The following LAMA2 variants were observed in gnomAD, a reference collection of about 807,000 sequenced individuals.
The protein encoded by LAMA2 is laminin subunit alpha-2.
In LAMA2, 269 loss-of-function variants were observed where a neutral mutation model predicts 364.8. That is an observed-to-expected ratio of 0.74 (90% CI 0.67 to 0.82). The LOEUF is 0.82. Among genes scored for constraint, LAMA2 ranks in the 40% least tolerant of loss-of-function variants. The pLI, the probability that LAMA2 is intolerant of heterozygous loss-of-function variation, is 0.00. For missense variants in LAMA2, 3,807 were observed against 3,873.2 expected, an observed-to-expected ratio of 0.98 and a Z score of 0.45; for synonymous variants, 1,379 against 1,370.6, an observed-to-expected ratio of 1.01 and a Z score of -0.14.
chr6:129,200,302 G>A (rs188651038), intron 12 of LAMA2, among the ~76,000 whole-genome samples: 1 of 129,938 alleles, frequency 7.7e-6, no homozygotes, highest in Admixed American at 7.4e-5. Flanking sequence ...ACATATACAT[G>A]TGTGTATATA....
Position 129,049,919 on chromosome 6 carries a change from T to C in LAMA2, c.114T>C (p.Gly38=), listed in dbSNP as rs752309873. 1.1e-5 allele frequency: 17 copies of C among 1,613,614 alleles called. No individual in the cohort carries two copies. In the South Asian group the frequency reaches 1.2e-4, roughly 11 times the overall value. The change falls in exon 2 of 65, where the codon GGT becomes GGC. Residue 38 remains glycine (G), a splice_region_variant and synonymous_variant. Transcript: ENST00000421865. ...CCTTCATTTGTCCATCTTTTTCAGG[T>C]TTATTCCCTGCTGTCCTGAATCTTG... ...QRQSQAHQQR[G]LFPAVLNLAS...
At chr6:129,175,932 G>A (rs758481197) in intron 9 of LAMA2, among the ~76,000 whole-genome samples, 29 of 151,650 alleles carry the variant, frequency 1.9e-4, no homozygotes, top group Middle Eastern at 3.4e-3. Context: ...TTTGTTTACC[G>A]TTTCCTTTTG....
chr6:129,096,614 C>T (rs1775204451), intron 3 of LAMA2, among the ~76,000 whole-genome samples: 1 of 152,212 alleles, frequency 6.6e-6, no homozygotes, highest in Non-Finnish European at 1.5e-5. Flanking sequence ...CCAGACCCCT[C>T]AGGACAAATA....
At chr6:129,442,976 G>A in intron 43 of LAMA2, 87 bp from the exon 44 acceptor site, 1 of 948,436 alleles carries the variant, frequency 1.1e-6, no homozygotes. Context: ...ACCATTTTTA[G>A]TCACTACTTT....
intron 1 of LAMA2, among the ~76,000 whole-genome samples, chr6:129,022,876 G>A (rs776123045): frequency 6.6e-6 from 1 of 152,052 alleles, no homozygotes; most frequent in African/African-American, 2.4e-5. Flanking sequence ...ATTATTTAGT[G>A]TTTCCAGTTT....
chr6:129,251,007 T>G (rs1372921551), intron 13 of LAMA2, among the ~76,000 whole-genome samples: 1 of 147,576 alleles, frequency 6.8e-6, no homozygotes, highest in African/African-American at 2.5e-5. Context: ...TCTCTTTCTG[T>G]CTCTCTCTTT....
intron 22 of LAMA2, among the ~76,000 whole-genome samples, chr6:129,308,006 C>T (rs1383882111): frequency 6.6e-6 from 1 of 152,200 alleles, no homozygotes; most frequent in South Asian, 2.1e-4. Context: ...ACCACCTTCA[C>T]ATGTATGATA....
At chr6:129,402,553 A>G (rs1780041889) in intron 39 of LAMA2, 66 bp downstream of exon 39, 2 of 1,444,190 alleles carry the variant, frequency 1.4e-6, no homozygotes, top group Non-Finnish European at 1.9e-6. Context: ...TGACTAGCAT[A>G]AATAGTAGAG....
At chr6:129,034,570 A>T (rs538385251) in intron 1 of LAMA2, among the ~76,000 whole-genome samples, 8 of 152,014 alleles carry the variant, frequency 5.3e-5, no homozygotes, top group African/African-American at 1.9e-4. Flanking sequence ...TGAACCCATC[A>T]CCCAAATGGT....
At chr6:129,114,624 A>G (rs933459125) in intron 4 of LAMA2, among the ~76,000 whole-genome samples, 2 of 151,922 alleles carry the variant, frequency 1.3e-5, no homozygotes, top group Non-Finnish European at 2.9e-5. Context: ...TTATGTGCAG[A>G]CATTTAACAT....
intron 1 of LAMA2, among the ~76,000 whole-genome samples, chr6:129,033,564 A>C (rs940908344): frequency 2.0e-5 from 3 of 152,032 alleles, no homozygotes; most frequent in African/African-American, 7.3e-5. Flanking sequence ...CAAAGCCCTA[A>C]ATTTTTTTTG....
At chr6:129,158,499 T>C in intron 8 of LAMA2, 1 of 1,614,036 alleles carries the variant, frequency 6.2e-7, no homozygotes, top group Non-Finnish European at 8.5e-7. Flanking sequence ...GTCAATAAGG[T>C]CTTTTAGTGA....
Position 128,997,357 on chromosome 6 carries a change from C to CGAAAGAAA in LAMA2, c.113-52554_113-52547dup, listed in dbSNP as rs57180629. On this transcript the variant is annotated intron_variant, in intron 1 of 64. Transcript: ENST00000421865. ...GAAAGAGAAAGAAAGAAAGAAAGAA[C>CGAAAGAAA]GAAAGAAAGAAAGAGAGAGAGAGAA... Among the ~76,000 whole-genome samples the CGAAAGAAA allele has an allele frequency of 4.6e-4, 66 of 143,606 alleles. No homozygotes were observed. In the South Asian group the frequency reaches 5.8e-3, roughly 13 times the overall value. The allele number at this position is 143,606 out of a possible 152,430, so 94.2% of individuals were successfully genotyped here.
In LAMA2 at chr6:129,083,884, T is replaced by C. The variant is rs542501961; in HGVS notation, c.397-14289T>C. Among the ~76,000 whole-genome samples, 66 of 152,306 alleles carry C rather than the reference T, an allele frequency of 4.3e-4. No homozygotes were observed. In the Middle Eastern group the frequency reaches 0.014, roughly 31 times the overall value. ...CTAGGTATTTCACATGTATTATGTT[T>C]TGTAATCCTCACAACTTTATGAAGG... On this transcript the variant is annotated intron_variant, in intron 3 of 64. Coordinates refer to ENST00000421865, the MANE Select transcript of LAMA2 (RefSeq NM_000426.4).
chr6:128,990,568 G>GA (rs1275429994), intron 1 of LAMA2, among the ~76,000 whole-genome samples: 1 of 152,166 alleles, frequency 6.6e-6, no homozygotes, highest in Non-Finnish European at 1.5e-5. Context: ...TTGTGTCTGG[G>GA]AAGAAGTGGA....
intron 31 of LAMA2, among the ~76,000 whole-genome samples, chr6:129,351,621 G>A (rs566939407): frequency 6.6e-6 from 1 of 152,026 alleles, no homozygotes; most frequent in Admixed American, 6.5e-5. Context: ...ATCATCTTTC[G>A]ACCTGCTCAG....
intron 4 of LAMA2, among the ~76,000 whole-genome samples, chr6:129,104,239 C>T (rs996610494): frequency 6.6e-6 from 1 of 152,164 alleles, no homozygotes; most frequent in Non-Finnish European, 1.5e-5. Flanking sequence ...CTCAAGTGAT[C>T]TTTCCACCTT....
chr6:128,889,238 T>C (rs905126907), intron 1 of LAMA2, among the ~76,000 whole-genome samples: 1 of 152,202 alleles, frequency 6.6e-6, no homozygotes, highest in Non-Finnish European at 1.5e-5. Flanking sequence ...ATATAGGTAC[T>C]TTGGAGTTCC....
At chr6:129,236,132 T>G (rs1054418099) in intron 12 of LAMA2, among the ~76,000 whole-genome samples, 2 of 152,206 alleles carry the variant, frequency 1.3e-5, no homozygotes, top group African/African-American at 4.8e-5. Flanking sequence ...CCAAAATGTG[T>G]TAAACATTAG....
Sources: allele counts gnomAD v4.1 joint callset (sites outside exome capture counted in the v4.1 genomes callset), GRCh38; gene constraint gnomAD v4.1.1; transcripts MANE v1.5; gene names NCBI Gene and HGNC (gene_info 2026-07-23, HGNC 2026-07-21).